The following MAN1A2 variants were observed in gnomAD, a reference collection of about 807,000 sequenced individuals.
MAN1A2 encodes the protein mannosidase alpha class 1A member 2, also known as mannosyl-oligosaccharide 1,2-alpha-mannosidase IB.
Under a neutral mutation model 75.7 loss-of-function variants are expected in MAN1A2, and 26 were observed. The observed-to-expected ratio is 0.34, with a 90% CI of 0.25 to 0.48. MAN1A2 has a LOEUF of 0.48. Ranked by LOEUF, MAN1A2 falls within the 20% of genes least tolerant of loss-of-function variation. MAN1A2 has a pLI of 0.99. For synonymous variants in MAN1A2, 247 were observed against 264.6 expected, an observed-to-expected ratio of 0.93 and a Z score of 0.65; for missense variants, 562 against 775.5, an observed-to-expected ratio of 0.72 and a Z score of 3.27.
At chr1:117,502,822 G>C (rs748143871) in intron 11 of MAN1A2, 33 bp from the exon 12 acceptor site, 1 of 1,118,362 alleles carries the variant, frequency 8.9e-7, no homozygotes, top group African/African-American at 1.6e-5. Flanking sequence ...GAAATTCTAC[G>C]GAATTGCTTA....
At chr1:117,373,062 A>G (rs1447539741) in intron 1 of MAN1A2, among the ~76,000 whole-genome samples, 1 of 152,190 alleles carries the variant, frequency 6.6e-6, no homozygotes, top group East Asian at 1.9e-4. Context: ...GCCACTAGTT[A>G]TATATGACTA....
chr1:117,404,705 C>A (rs1316556728), intron 2 of MAN1A2, among the ~76,000 whole-genome samples: 1 of 152,114 alleles, frequency 6.6e-6, no homozygotes, highest in Non-Finnish European at 1.5e-5. Flanking sequence ...TTGTTTAGGG[C>A]AGGGGTTGAC....
intron 10 of MAN1A2, among the ~76,000 whole-genome samples, chr1:117,497,986 ATC>A (rs1312843000): frequency 6.6e-6 from 1 of 151,956 alleles, no homozygotes; most frequent in African/African-American, 2.4e-5. Flanking sequence ...TAGTTCATAA[ATC>A]TGTCAAGTTA....
rs560796111 is a variant in MAN1A2 at position 117,445,754 on chromosome 1, C to T, written c.950+3429C>T. Among the ~76,000 whole-genome samples the T allele has an allele frequency of 1.3e-4, 19 of 151,162 alleles. 1 individual carries two copies. The East Asian group carries it at 2.2e-3, about 17-fold the overall frequency. On this transcript the variant is annotated intron_variant, in intron 6 of 12. Coordinates refer to ENST00000356554, the MANE Select transcript of MAN1A2 (RefSeq NM_006699.5). ...CTTGCCTAGTCTGGTCCCAAACTCC[C>T]GAGCTCAAGTGATCCTCCCTCCTTG...
At chr1:117,402,658 A>G (rs1647478740) in intron 2 of MAN1A2, among the ~76,000 whole-genome samples, 1 of 151,640 alleles carries the variant, frequency 6.6e-6, no homozygotes, top group Non-Finnish European at 1.5e-5. Context: ...TATTTTTGAT[A>G]CAACTTTTGG....
rs59022844 is a variant in MAN1A2, at chr1:117,526,880, C to CTATATATATATATATATA, written c.*3935_*3952dup. On this transcript the variant is annotated 3_prime_UTR_variant, in exon 13 of 13. Transcript: ENST00000356554. Reference sequence around the variant, plus strand: ...TCTCTCTCTCTCTCTCTCTCTCTCTCTATATATATATATATATATATATAT... The same window carrying CTATATATATATATATATA: ...TCTCTCTCTCTCTCTCTCTCTCTCTCTATATATATATATATATATATATATATATATATATATATATAT... 2.4e-4 allele frequency: 13 copies of CTATATATATATATATATA among 54,510 alleles called. No homozygotes were observed. The highest frequency in any genetic ancestry group is 1.2e-3 in the Admixed American group (5 of 4,174). 3.4% of individuals were successfully genotyped at this position (54,510 alleles called of 1,614,324 possible). A position where few individuals can be genotyped will look rare whatever the true frequency, so the allele number is the denominator to read the frequency against.
intron 3 of MAN1A2, among the ~76,000 whole-genome samples, chr1:117,412,830 C>T (rs1193181376): frequency 6.6e-6 from 1 of 151,786 alleles, no homozygotes; most frequent in Non-Finnish European, 1.5e-5. Context: ...CTCATGGCAC[C>T]TAGTGCAACT....
chr1:117,511,279 A>G (rs1651526439), intron 12 of MAN1A2, among the ~76,000 whole-genome samples: 1 of 152,028 alleles, frequency 6.6e-6, no homozygotes, highest in Non-Finnish European at 1.5e-5. Flanking sequence ...GGGGATTACA[A>G]TTCGAGATGA....
chr1:117,494,393 A>AT (rs1650977361), intron 9 of MAN1A2: 1 of 152,030 alleles, frequency 6.6e-6, no homozygotes, highest in Non-Finnish European at 1.5e-5. Flanking sequence ...AATTTTAGTT[A>AT]TTTTTTAAAA....
At chr1:117,466,296 A>ATTT (rs1196645994) in intron 7 of MAN1A2, 38 bp from the exon 8 acceptor site, 1 of 1,358,146 alleles carries the variant, frequency 7.4e-7, no homozygotes, top group Admixed American at 1.8e-5. Flanking sequence ...GATGACACTT[A>ATTT]TTTTTATTAA....
intron 5 of MAN1A2, among the ~76,000 whole-genome samples, chr1:117,431,137 G>C (rs1570739039): frequency 7.8e-6 from 1 of 127,784 alleles, no homozygotes; most frequent in South Asian, 3.1e-4. Context: ...GCAGTGAGCC[G>C]AGATGGCAGC....
chr1:117,447,355 T>TA (rs1222907621), intron 6 of MAN1A2, among the ~76,000 whole-genome samples: 1 of 152,142 alleles, frequency 6.6e-6, no homozygotes, highest in Non-Finnish European at 1.5e-5. Context: ...TAATTCTGTA[T>TA]TAGTGAACTA....
chr1:117,434,740 G>C (rs1043787510), intron 5 of MAN1A2, among the ~76,000 whole-genome samples: 4 of 142,214 alleles, frequency 2.8e-5, no homozygotes, highest in Non-Finnish European at 6.0e-5. Context: ...CCAGTAGTTG[G>C]TTACAGCTGT....
intron 6 of MAN1A2, among the ~76,000 whole-genome samples, chr1:117,444,162 G>T (rs1423791045): frequency 6.6e-6 from 1 of 151,982 alleles, no homozygotes; most frequent in African/African-American, 2.4e-5. Context: ...ACGATTCCAG[G>T]TTACTCAATA....
chr1:117,369,616 T>C (rs139425811), intron 1 of MAN1A2, among the ~76,000 whole-genome samples: 188 of 152,358 alleles, frequency 1.2e-3, no homozygotes, highest in Admixed American at 2.0e-3. Context: ...TCTTTGACTT[T>C]TGGATGAATT....
chr1:117,386,475 A>G (rs1653527316), intron 1 of MAN1A2, among the ~76,000 whole-genome samples: 1 of 152,070 alleles, frequency 6.6e-6, no homozygotes, highest in Admixed American at 6.6e-5. Flanking sequence ...TGTGCACAAT[A>G]AATAATTGAA....
intron 3 of MAN1A2, among the ~76,000 whole-genome samples, chr1:117,413,580 G>A (rs1647891409): frequency 6.6e-6 from 1 of 151,754 alleles, no homozygotes. Flanking sequence ...GAGTTTTGGG[G>A]TATAAATCAT....
At chr1:117,478,777 T>A (rs1650399548) in intron 8 of MAN1A2, among the ~76,000 whole-genome samples, 1 of 152,122 alleles carries the variant, frequency 6.6e-6, no homozygotes, top group East Asian at 1.9e-4. Context: ...ATCTACACAA[T>A]CAACACAGTG....
intron 5 of MAN1A2, among the ~76,000 whole-genome samples, chr1:117,434,789 G>C (rs1461463612): frequency 2.2e-5 from 3 of 138,800 alleles, no homozygotes; most frequent in Admixed American, 7.0e-5. Flanking sequence ...GTGTGTGTGT[G>C]TGTGTGTATC....
Sources: gnomAD v4.1 joint callset for allele counts (sites outside exome capture counted in the v4.1 genomes callset) on GRCh38, gnomAD v4.1.1 for gene constraint, MANE v1.5 for transcripts, NCBI Gene and HGNC (gene_info 2026-07-23, HGNC 2026-07-21) for gene names.